ZFHX3: variants seen among roughly 807,000 people sequenced by gnomAD.
ZFHX3 encodes zinc finger homeobox 3.
Under a neutral mutation model 279.1 loss-of-function variants are expected in ZFHX3, and 42 were observed. The ratio of observed to expected loss-of-function variants is 0.15; its 90% CI spans 0.12 to 0.19. ZFHX3 has a LOEUF of 0.19. Among genes scored for constraint, ZFHX3 ranks in the 10% least tolerant of loss-of-function variants. ZFHX3 has a pLI of 1.00. For synonymous variants in ZFHX3, 2,293 were observed against 1,957.8 expected (o/e 1.17, Z -4.52); for missense variants, 4,981 against 4,754.0 (o/e 1.05, Z -1.40).
intron 1 of ZFHX3, among the ~76,000 whole-genome samples, chr16:73,727,953 C>A (rs1235414076): frequency 1.4e-5 from 2 of 146,878 alleles, no homozygotes; most frequent in Non-Finnish European, 3.0e-5. Flanking sequence ...CTACATGTGG[C>A]TATTTGAATT....
At chr16:73,193,060 T>G (rs1161140237) in intron 5 of ZFHX3, among the ~76,000 whole-genome samples, 1 of 152,212 alleles carries the variant, frequency 6.6e-6, no homozygotes, top group African/African-American at 2.4e-5. Context: ...TGATGCCTCC[T>G]ACAGGCTCAC....
chr16:73,223,341 C>T (rs1311753970), intron 5 of ZFHX3, among the ~76,000 whole-genome samples: 2 of 152,018 alleles, frequency 1.3e-5, no homozygotes, highest in Non-Finnish European at 2.9e-5. Flanking sequence ...GACTGTTATC[C>T]AAAACATACA....
At chr16:73,660,918 C>G (rs1217909097) in intron 2 of ZFHX3, among the ~76,000 whole-genome samples, 3 of 142,458 alleles carry the variant, frequency 2.1e-5, no homozygotes, top group African/African-American at 7.9e-5. Context: ...TAGGATCTAT[C>G]TGTTCTACTA....
At chr16:73,092,824 TGAACA>T (rs752858575) in intron 8 of ZFHX3, 2 of 460,680 alleles carry the variant, frequency 4.3e-6, no homozygotes, top group Admixed American at 4.9e-5. Context: ...TGCCCTTACC[TGAACA>T]GACGGCTCAT....
chr16:73,200,585 T>C (rs1462270623), intron 5 of ZFHX3, among the ~76,000 whole-genome samples: 4 of 152,344 alleles, frequency 2.6e-5, no homozygotes, highest in South Asian at 2.1e-4. Context: ...AAAAAACCGA[T>C]AAATGTCAGA....
At chr16:73,847,024 A>G (rs145259080) in intron 1 of ZFHX3, among the ~76,000 whole-genome samples, 2,336 of 152,266 alleles carry the variant, frequency 0.015, 62 homozygotes, top group African/African-American at 0.053. Context: ...TTAAGGGGCC[A>G]GGCACAGTGG....
chr16:73,729,419 C>T (rs998077285), intron 1 of ZFHX3, among the ~76,000 whole-genome samples: 6 of 152,170 alleles, frequency 3.9e-5, no homozygotes, highest in Admixed American at 3.3e-4. Flanking sequence ...ATCTCAGCTA[C>T]TTGGGAGGCT....
chr16:73,617,083 G>T (rs1460729802), intron 2 of ZFHX3, among the ~76,000 whole-genome samples: 3 of 152,198 alleles, frequency 2.0e-5, no homozygotes, highest in Admixed American at 6.5e-5. Flanking sequence ...GAGATTAGGT[G>T]CAGATGAGTT....
At chr16:73,155,600 A>C (rs1055544322) in intron 5 of ZFHX3, among the ~76,000 whole-genome samples, 1 of 152,182 alleles carries the variant, frequency 6.6e-6, no homozygotes, top group South Asian at 2.1e-4. Context: ...TGGTGGGTGG[A>C]TCACCTGAGG....
At chr16:73,516,698 T>C (rs2019528374) in intron 2 of ZFHX3, among the ~76,000 whole-genome samples, 1 of 152,174 alleles carries the variant, frequency 6.6e-6, no homozygotes. Flanking sequence ...CGTTCTCCAT[T>C]GATTTTCATC....
At position 73,417,788 on chromosome 16, in the gene ZFHX3, C is replaced by T. The variant is rs111596743; in HGVS notation, c.-1291+38215G>A. On this transcript the variant is annotated intron_variant, in intron 3 of 17. Coordinates refer to the ZFHX3 transcript ENST00000641206. ...GATATCGAGACCATCCTGGCTAACA[C>T]AGTGAAACCCCGTCTCTATAAAAAA... is the stretch of plus-strand genomic sequence containing the variant. Among the ~76,000 whole-genome samples the T allele has an allele frequency of 4.5e-3, 680 of 150,936 alleles. 17 individuals are homozygous for T. Among genetic ancestry groups the T allele is most frequent in the African/African-American group, 0.016 (654 of 40,814 alleles).
chr16:73,449,662 A>T (rs2143556001), intron 3 of ZFHX3, among the ~76,000 whole-genome samples: 1 of 152,340 alleles, frequency 6.6e-6, no homozygotes, highest in African/African-American at 2.4e-5. Context: ...TGAGAACAAG[A>T]TGACAAATAT....
intron 3 of ZFHX3, among the ~76,000 whole-genome samples, chr16:72,895,810 T>C (rs1488674924): frequency 6.6e-6 from 1 of 152,020 alleles, no homozygotes; most frequent in African/African-American, 2.4e-5. Flanking sequence ...GCTCACAGAG[T>C]GAGACCCTGT....
At chr16:73,026,673 CAAAAA>C (rs10561679) in intron 1 of ZFHX3, among the ~76,000 whole-genome samples, 5,332 of 79,692 alleles carry the variant, frequency 0.067, 336 homozygotes, top group East Asian at 0.41. Flanking sequence ...AAAACTGCCT[CAAAAA>C]AAAAAAAAAA....
intron 3 of ZFHX3, among the ~76,000 whole-genome samples, chr16:73,428,382 G>A (rs867743444): frequency 1.3e-5 from 2 of 152,218 alleles, no homozygotes; most frequent in African/African-American, 4.8e-5. Flanking sequence ...GCCTGCATCG[G>A]TCCATGCAAT....
chr16:73,030,255 G>A (rs1964648681), intron 1 of ZFHX3, among the ~76,000 whole-genome samples: 1 of 152,212 alleles, frequency 6.6e-6, no homozygotes, highest in South Asian at 2.1e-4. Flanking sequence ...CAATGGAATT[G>A]CTTTGCCAGA....
intron 2 of ZFHX3, among the ~76,000 whole-genome samples, chr16:73,507,163 GCA>G (rs1471537576): frequency 6.6e-5 from 10 of 152,148 alleles, no homozygotes. Context: ...CTTTAGATAG[GCA>G]CACTCTGATT....
rs201366558 is a variant in ZFHX3, at chr16:73,296,877, A to AT, written c.-1194+21362dup. On this transcript the variant is annotated intron_variant, in intron 4 of 17. Transcript: ENST00000641206. ...TTTATAATTGCCATGTGAAGCAGGA[A>AT]TTTTTTTTTTTTTTTTTTTGAGACG... Among the ~76,000 whole-genome samples the AT allele has an allele frequency of 2.5e-3, 296 of 116,082 alleles. 15 individuals carry two copies. The highest frequency in any genetic ancestry group is 5.3e-3 in the Middle Eastern group (1 of 188). The allele number at this position is 116,082 out of a possible 152,430, so 76.2% of individuals were successfully genotyped here. A position where few individuals can be genotyped will look rare whatever the true frequency, so the allele number is the denominator to read the frequency against.
At chr16:73,076,040 C>T (rs568447477) in intron 8 of ZFHX3, among the ~76,000 whole-genome samples, 2 of 152,292 alleles carry the variant, frequency 1.3e-5, no homozygotes, top group African/African-American at 4.8e-5. Context: ...CAACAAATCA[C>T]TTAATCCTCA....
Sources: allele counts gnomAD v4.1 joint callset (sites outside exome capture counted in the v4.1 genomes callset), GRCh38; gene constraint gnomAD v4.1.1; transcripts MANE v1.5; gene names NCBI Gene and HGNC (gene_info 2026-07-23, HGNC 2026-07-21).